The following WNT2B variants were observed in gnomAD, a reference collection of about 807,000 sequenced individuals.
WNT2B encodes Wnt family member 2B, also known as protein Wnt-2b.
A neutral mutation model predicts 40.5 loss-of-function variants in WNT2B; 19 were observed. The observed-to-expected ratio is 0.47, with a 90% CI of 0.33 to 0.69. WNT2B has a LOEUF of 0.69. WNT2B is among the 30% of genes least tolerant of loss of function. The probability of loss-of-function intolerance (pLI) is 0.02; values close to 1 mark genes in which losing one functional copy is unlikely to be tolerated. For missense variants in WNT2B, 467 were observed against 556.4 expected (o/e 0.84, Z 1.62); for synonymous variants, 220 against 211.9 (o/e 1.04, Z -0.33).
intron 1 of WNT2B, among the ~76,000 whole-genome samples, chr1:112,484,811 T>C (rs1032429155): frequency 2.0e-5 from 3 of 151,952 alleles, no homozygotes; most frequent in African/African-American, 7.2e-5. Flanking sequence ...ATACTATTTA[T>C]AATAGCATCA....
At chr1:112,479,994 G>T (rs1042195240) in intron 1 of WNT2B, among the ~76,000 whole-genome samples, 9 of 151,932 alleles carry the variant, frequency 5.9e-5, no homozygotes, top group African/African-American at 2.2e-4. Flanking sequence ...TTACAGACGT[G>T]AGCCACTGCA....
rs778345526 is a variant in WNT2B at position 112,509,400 on chromosome 1, C to CCTG, written c.148_150dup (p.Leu50dup). 2.5e-6 allele frequency: 4 copies of CCTG among 1,595,760 alleles called. No homozygotes were observed. The highest frequency in any genetic ancestry group is 4.6e-5 in the East Asian group (2 of 43,738). On this transcript the variant is annotated inframe_insertion, in exon 1 of 5. Transcript: ENST00000369684. The surrounding 1 kb of genome is among the most constrained non-coding windows in gnomAD (Gnocchi z 4.2). Reference sequence around the variant, plus strand: ...GCCTAGGTCTTGCCTGCCTTCTGCTCCTGCTGCTGCTGACGCTGCCGGCCC... The same window carrying CCTG: ...GCCTAGGTCTTGCCTGCCTTCTGCTCCTGCTGCTGCTGCTGACGCTGCCGGCCC...
intron 1 of WNT2B, 85 bp from the exon 2 acceptor site, chr1:112,514,788 TG>T: frequency 7.6e-7 from 1 of 1,313,188 alleles, no homozygotes; most frequent in Non-Finnish European, 1.1e-6. Flanking sequence ...CTTCAAGGTC[TG>T]GATGCTAAAC....
intron 4 of WNT2B, 67 bp downstream of exon 4, chr1:112,517,452 T>C: frequency 6.5e-7 from 1 of 1,537,404 alleles, no homozygotes; most frequent in Non-Finnish European, 8.8e-7. Flanking sequence ...TGGTTAATCA[T>C]GGTCTGTTCA....
chr1:112,477,301 G>A (rs536458157), intron 1 of WNT2B, among the ~76,000 whole-genome samples: 3 of 152,288 alleles, frequency 2.0e-5, no homozygotes, highest in Non-Finnish European at 2.9e-5. Flanking sequence ...TACCCACCAT[G>A]GAGTTGGAGC....
At chr1:112,474,239 G>A (rs1008600696) in intron 1 of WNT2B, among the ~76,000 whole-genome samples, 4 of 151,592 alleles carry the variant, frequency 2.6e-5, no homozygotes, top group African/African-American at 4.8e-5. Flanking sequence ...TCCGCCTCCC[G>A]GGTTCAAGCG....
chr1:112,499,831 ACTATT>A (rs1210574607), intron 1 of WNT2B, among the ~76,000 whole-genome samples: 1 of 152,230 alleles, frequency 6.6e-6, no homozygotes, highest in Non-Finnish European at 1.5e-5. Context: ...TATATTGTTC[ACTATT>A]CTAGGAGTTG....
chr1:112,490,664 T>C (rs1651572581), intron 1 of WNT2B, among the ~76,000 whole-genome samples: 2 of 152,032 alleles, frequency 1.3e-5, no homozygotes, highest in Admixed American at 1.3e-4. Context: ...TAATTTTTTG[T>C]ATTTTTAGTA....
intron 1 of WNT2B, among the ~76,000 whole-genome samples, chr1:112,471,103 C>T (rs1650867995): frequency 6.6e-6 from 1 of 152,146 alleles, no homozygotes; most frequent in South Asian, 2.1e-4. Flanking sequence ...GAAATGTGGA[C>T]ATAGGAGGGT....
chr1:112,490,485 T>C (rs1272672399), intron 1 of WNT2B, among the ~76,000 whole-genome samples: 1 of 150,572 alleles, frequency 6.6e-6, no homozygotes, highest in Non-Finnish European at 1.5e-5. Flanking sequence ...CTCAAAGAAC[T>C]CATATTCTTT....
intron 1 of WNT2B, chr1:112,467,611 A>G (rs1187149743): frequency 2.6e-6 from 2 of 778,856 alleles, no homozygotes; most frequent in South Asian, 2.7e-5. Context: ...ATGAAGCACT[A>G]CTTTATTTAA....
At chr1:112,497,388 A>G (rs891727173) in intron 1 of WNT2B, among the ~76,000 whole-genome samples, 7 of 152,236 alleles carry the variant, frequency 4.6e-5, no homozygotes, top group African/African-American at 1.7e-4. Context: ...CAGAGTTAGC[A>G]CTACATGGAC....
intron 1 of WNT2B, among the ~76,000 whole-genome samples, chr1:112,483,704 G>T (rs1231284974): frequency 7.0e-6 from 1 of 142,222 alleles, no homozygotes; most frequent in Non-Finnish European, 1.5e-5. Flanking sequence ...AGGAATGGGA[G>T]AAAATATTTT....
chr1:112,482,365 T>C lies in WNT2B; in HGVS notation c.-95+14774T>C, dbSNP rs77001344. ...CATAAAAAAATTTTGAGACAGAGCC[T>C]TGCTCTGTCACCCAGGCTGCAGTGC... On this transcript the variant is annotated intron_variant, in intron 1 of 4. Transcript: ENST00000256640. 5.6e-3 allele frequency among the ~76,000 whole-genome samples: 847 copies of C among 152,254 alleles called. 6 individuals are homozygous for C. The highest frequency in any genetic ancestry group is 0.019 in the African/African-American group (789 of 41,540).
chr1:112,474,428 G>C (rs182825619), intron 1 of WNT2B, among the ~76,000 whole-genome samples: 1 of 152,160 alleles, frequency 6.6e-6, no homozygotes, highest in African/African-American at 2.4e-5. Context: ...GATTACAGGC[G>C]TAAGCCACCA....
intron 1 of WNT2B, among the ~76,000 whole-genome samples, chr1:112,472,575 G>GACTC (rs1650914239): frequency 7.5e-6 from 1 of 132,508 alleles, no homozygotes; most frequent in African/African-American, 2.9e-5. Context: ...AAAAAAAAAA[G>GACTC]ACTCAAAAGG....
rs757935789 is a variant in WNT2B at position 112,514,840 on chromosome 1, G to C, written c.183-34G>C. On this transcript the variant is annotated intron_variant, in intron 1 of 4. Coordinates refer to ENST00000369684, the MANE Select transcript of WNT2B (RefSeq NM_024494.3). ...TCCCTCCCAATGCAGAAAAAGGTCT[G>C]GGATGTTCTGACAGGGCCATCTCTG... 3.1e-6 allele frequency: 5 copies of C among 1,608,782 alleles called. No individual in the cohort carries two copies. The Admixed American group carries it at 6.7e-5, about 21-fold the overall frequency.
upstream of WNT2B, among the ~76,000 whole-genome samples, chr1:112,507,468 A>C (rs960568312): frequency 3.9e-5 from 6 of 152,196 alleles, no homozygotes; most frequent in African/African-American, 1.4e-4. Context: ...GACAGGAGGG[A>C]AGTGCTTGCA....
rs1653789481 is a variant in WNT2B at position 112,528,287 on chromosome 1, G to A, written c.*7778G>A. The A allele has an allele frequency of 1.3e-5, 2 of 152,190 alleles. No homozygotes were observed. Among genetic ancestry groups the A allele is most frequent in the Non-Finnish European group, 2.9e-5 (2 of 68,028 alleles). 9.4% of individuals were successfully genotyped at this position (152,190 alleles called of 1,614,324 possible). On this transcript the variant is annotated 3_prime_UTR_variant, in exon 5 of 5. Coordinates refer to ENST00000369684, the MANE Select transcript of WNT2B (RefSeq NM_024494.3). ...ACAAGCAATATATAAGGAATTTCAA[G>A]CAAGTACACATTATATACACTGGGG...
Sources: gnomAD v4.1 joint callset for allele counts (sites outside exome capture counted in the v4.1 genomes callset) on GRCh38, gnomAD v4.1.1 for gene constraint, Gnocchi (gnomAD v3.1) non-coding constraint, MANE v1.5 for transcripts, NCBI Gene and HGNC (gene_info 2026-07-23, HGNC 2026-07-21) for gene names.